Variants in MECR observed in about 807,000 individuals in gnomAD.
MECR encodes mitochondrial trans-2-enoyl-CoA reductase.
In MECR, 37 loss-of-function variants were observed where a neutral mutation model predicts 49.1. That is an observed-to-expected ratio of 0.75 (90% CI 0.58 to 0.99). The LOEUF is 0.99. Among genes scored for constraint, MECR ranks in the 50% least tolerant of loss-of-function variants. The pLI is 0.00. For missense variants in MECR, 470 were observed against 479.6 expected (o/e 0.98, Z 0.19); for synonymous variants, 198 against 191.1 (o/e 1.04, Z -0.30).
chr1:29,191,872 T>G (rs1173845463), downstream of MECR, among the ~76,000 whole-genome samples: 1 of 152,098 alleles, frequency 6.6e-6, no homozygotes, highest in African/African-American at 2.4e-5. Flanking sequence ...GGTGGGTGGA[T>G]CACGAGGTCA....
rs1187236932 is a variant in MECR at position 29,192,731 on chromosome 1, C to T, written c.*1291G>A. The stretch of plus-strand genomic sequence containing the variant: ...AAGTCACGTCAAGCTCTTCTCTCGG[C>T]CTGAATAAAGCTCACTCATTTGTGA... On this transcript the variant is annotated 3_prime_UTR_variant, in exon 10 of 10. Transcript: ENST00000263702. 2 of 152,148 alleles carry T rather than the reference C, an allele frequency of 1.3e-5. No individual in the cohort carries two copies. Among genetic ancestry groups the T allele is most frequent in the Non-Finnish European group, 2.9e-5 (2 of 68,042 alleles). The allele number at this position is 152,148 out of a possible 1,614,324, so 9.4% of individuals were successfully genotyped here.
At chr1:29,173,975 G>A in the MECR span, among the ~76,000 whole-genome samples, 2 of 151,606 alleles carry the variant, frequency 1.3e-5, no homozygotes, top group African/African-American at 4.8e-5. Flanking sequence ...GATCACCTGA[G>A]GTCAGGAGTT....
At chr1:29,218,442 CT>C (rs1311753308) in intron 1 of MECR, among the ~76,000 whole-genome samples, 8 of 152,240 alleles carry the variant, frequency 5.3e-5, no homozygotes, top group Non-Finnish European at 1.0e-4. Context: ...ACACATATAA[CT>C]GCCAACAAGG....
At chr1:29,178,353 C>CTTCTTTT in the MECR span, among the ~76,000 whole-genome samples, 6 of 127,882 alleles carry the variant, frequency 4.7e-5, no homozygotes, top group Non-Finnish European at 6.4e-5. Context: ...GTTTCAATTA[C>CTTCTTTT]TTTTTTTTTT....
intron 2 of MECR, 49 bp downstream of exon 2, chr1:29,216,539 C>T: frequency 6.4e-7 from 1 of 1,555,410 alleles, no homozygotes; most frequent in Non-Finnish European, 8.9e-7. Context: ...AATGAGGTGG[C>T]AGCTGAACAA....
chr1:29,171,303 A>G, the MECR span: 1 of 151,460 alleles, frequency 6.6e-6, no homozygotes, highest in African/African-American at 2.4e-5. Context: ...AAGGCTGAAC[A>G]AGCCCGGAAA....
At chr1:29,179,876 T>C in the MECR span, among the ~76,000 whole-genome samples, 1 of 152,234 alleles carries the variant, frequency 6.6e-6, no homozygotes, top group Admixed American at 6.5e-5. Flanking sequence ...GGTGGACATT[T>C]TGTTGATGGG....
chr1:29,226,714 T>A (rs1450013454), intron 1 of MECR, among the ~76,000 whole-genome samples: 2 of 152,170 alleles, frequency 1.3e-5, no homozygotes, highest in East Asian at 3.9e-4. Flanking sequence ...TGCCTTTCAA[T>A]CTACTTGAGC....
intron 1 of MECR, chr1:29,223,808 TC>T (rs1681373334): frequency 6.6e-6 from 1 of 152,100 alleles, no homozygotes; most frequent in Non-Finnish European, 1.5e-5. Context: ...GGAATGAAGT[TC>T]CTCAGCTCGC....
At chr1:29,209,681 A>T (rs1677472151) in intron 3 of MECR, among the ~76,000 whole-genome samples, 1 of 152,082 alleles carries the variant, frequency 6.6e-6, no homozygotes, top group African/African-American at 2.4e-5. Flanking sequence ...TTGTATGAAG[A>T]AGGGGTGAAG....
chr1:29,176,034 T>C, the MECR span, among the ~76,000 whole-genome samples: 1 of 151,936 alleles, frequency 6.6e-6, no homozygotes, highest in African/African-American at 2.4e-5. Flanking sequence ...AGGTGGATCA[T>C]GAGGTCAGGA....
chr1:29,173,768 G>T, the MECR span, among the ~76,000 whole-genome samples: 2 of 151,714 alleles, frequency 1.3e-5, no homozygotes, highest in African/African-American at 2.4e-5. Flanking sequence ...TCTTGAATTT[G>T]TTATGCTTGA....
intron 7 of MECR, among the ~76,000 whole-genome samples, chr1:29,197,249 A>C (rs1320084240): frequency 6.6e-6 from 1 of 152,190 alleles, no homozygotes. Context: ...TCTCACTTAC[A>C]GGTGTCCGAC....
At chr1:29,195,115 C>A (rs1673643290) in intron 9 of MECR, among the ~76,000 whole-genome samples, 2 of 151,560 alleles carry the variant, frequency 1.3e-5, no homozygotes, top group South Asian at 4.2e-4. Flanking sequence ...TACCTTGTTT[C>A]AAAAAAAATA....
At chr1:29,187,637 T>C in the MECR span, among the ~76,000 whole-genome samples, 1 of 151,582 alleles carries the variant, frequency 6.6e-6, no homozygotes, top group South Asian at 2.1e-4. Flanking sequence ...TCTCACTCTG[T>C]CACCCAGGCT....
At chr1:29,169,109 T>C in the MECR span, 1 of 152,276 alleles carries the variant, frequency 6.6e-6, no homozygotes, top group Non-Finnish European at 1.5e-5. Flanking sequence ...AGTTTTACGA[T>C]GTATAAAGCA....
At chr1:29,174,112 C>G in the MECR span, among the ~76,000 whole-genome samples, 1 of 151,590 alleles carries the variant, frequency 6.6e-6, no homozygotes, top group Non-Finnish European at 1.5e-5. Context: ...CTGCTTGAAC[C>G]CGGGAGGCAG....
chr1:29,202,158 G>T, intron 5 of MECR, 113 bp from the exon 6 acceptor site: 1 of 916,074 alleles, frequency 1.1e-6, no homozygotes, highest in South Asian at 1.5e-5. Flanking sequence ...CAGGAAGCTG[G>T]GATTAGGTTT....
intron 1 of MECR, among the ~76,000 whole-genome samples, chr1:29,229,623 G>A (rs1682963317): frequency 6.6e-6 from 1 of 152,198 alleles, no homozygotes; most frequent in Admixed American, 6.5e-5. Flanking sequence ...GTATGCAGGT[G>A]TTTTTTGGTG....
Sources: gnomAD v4.1 joint callset for allele counts (sites outside exome capture counted in the v4.1 genomes callset) on GRCh38, gnomAD v4.1.1 for gene constraint, MANE v1.5 for transcripts, NCBI Gene and HGNC (gene_info 2026-07-23, HGNC 2026-07-21) for gene names.